Variants in MAPK11 observed in about 807,000 individuals in gnomAD.
MAPK11 encodes MAP kinase 11.
A neutral mutation model predicts 52.2 loss-of-function variants in MAPK11; 44 were observed. The observed-to-expected ratio is 0.84, with a 90% CI of 0.66 to 1.08. The LOEUF is 1.08. Among genes scored for constraint, MAPK11 ranks in the 50% least tolerant of loss-of-function variants. The pLI is 0.00. For synonymous variants in MAPK11, 233 were observed against 206.3 expected (o/e 1.13, Z -1.11); for missense variants, 436 against 494.7 (o/e 0.88, Z 1.13).
At chr22:50,266,414 G>A in intron 8 of MAPK11, 109 bp from the exon 9 acceptor site, 2 of 1,398,084 alleles carry the variant, frequency 1.4e-6, no homozygotes, top group Non-Finnish European at 9.8e-7. Context: ...GGTGAGGATG[G>A]CCAGCCCAAA....
At position 50,267,018 on chromosome 22, in the gene MAPK11, C is replaced by T; in HGVS notation, c.526G>A (p.Asp176Asn). 1 of 1,612,514 alleles carries T rather than the reference C, an allele frequency of 6.2e-7. No homozygotes were observed. The highest frequency in any genetic ancestry group is 1.1e-5 in the South Asian group (1 of 91,068). ...ILDFGLARQA[D>N]EEMTGYVATR... is the part of the protein sequence containing the mutation. ...GCCACATAGCCGGTCATCTCCTCGTCCGCCTGGCGCGCCAGCCCAAAATCC... is the reference window on the plus strand; with the variant it reads ...GCCACATAGCCGGTCATCTCCTCGTTCGCCTGGCGCGCCAGCCCAAAATCC... Residue 176 changes from aspartate (D) to asparagine (N), a missense_variant, in exon 7 of 12, where the codon GAC becomes AAC. By Grantham distance (23) the Asp-to-Asn change is conservative. Coordinates refer to ENST00000330651, the MANE Select transcript of MAPK11 (RefSeq NM_002751.7).
In MAPK11 at chr22:50,266,794, C is replaced by T. The variant is rs61760597; in HGVS notation, c.610+140G>A. The stretch of plus-strand genomic sequence containing the variant: ...GAGGCCAGCACCCATCATGCTCTAG[C>T]GGCCTCTGAAGGGCTACTTTTGAAT... On this transcript the variant is annotated intron_variant, in intron 7 of 11. Coordinates refer to ENST00000330651, the MANE Select transcript of MAPK11 (RefSeq NM_002751.7). The T allele has an allele frequency of 9.9e-5, 97 of 975,048 alleles. No homozygotes were observed. The African/African-American group carries it at 1.1e-3, about 11-fold the overall frequency. 60.4% of individuals were successfully genotyped at this position (975,048 alleles called of 1,614,324 possible).
chr22:50,265,327 A>T lies in MAPK11; in HGVS notation c.1009T>A (p.Trp337Arg). 1 of 1,612,304 alleles carries T rather than the reference A, an allele frequency of 6.2e-7. No homozygotes were observed. The highest frequency in any genetic ancestry group is 8.5e-7 in the Non-Finnish European group (1 of 1,179,758). The part of the protein sequence containing the change: ...VEAKERTLEE[W>R]KELTYQEVLS... ...CAGCCACTGCCATGCTCACCCTTCCACTCCTCCAGCGTGCGCTCCTTGGCC... is the reference window on the plus strand; with the variant it reads ...CAGCCACTGCCATGCTCACCCTTCCTCTCCTCCAGCGTGCGCTCCTTGGCC... Residue 337 changes from tryptophan to arginine, a missense_variant, in exon 11 of 12, where the codon TGG becomes AGG. Trp to Arg is a moderately radical substitution (Grantham distance 101). Coordinates refer to ENST00000330651, the MANE Select transcript of MAPK11 (RefSeq NM_002751.7).
chr22:50,266,439 G>A (rs2065262548), intron 8 of MAPK11, 101 bp downstream of exon 8: 1 of 1,382,180 alleles, frequency 7.2e-7, no homozygotes, highest in East Asian at 2.3e-5. Flanking sequence ...CATAGCATGG[G>A]GGGCAGAGGA....
chr22:50,270,262 G>T lies in MAPK11; in HGVS notation c.31C>A (p.Gln11Lys). Residue 11 changes from glutamine to lysine, a missense_variant, in exon 1 of 12, where the codon CAG becomes AAG. Coordinates refer to ENST00000330651, the MANE Select transcript of MAPK11 (RefSeq NM_002751.7). The surrounding 1 kb of genome is among the most constrained non-coding windows in gnomAD (Gnocchi z 6.3). MSGPRAGFYR[Q>K]ELNKTVWEVP... ...TCCCACACGGTCTTGTTCAGCTCCT[G>T]CCGGTAGAAGCCGGCGCGAGGGCCC... The T allele has an allele frequency of 7.0e-7, 1 of 1,435,234 alleles. No homozygotes were observed. The highest frequency in any genetic ancestry group is 9.2e-7 in the Non-Finnish European group (1 of 1,092,222). The allele number at this position is 1,435,234 out of a possible 1,614,324, so 88.9% of individuals were successfully genotyped here.
chr22:50,267,330 G>GC (rs34623088), intron 4 of MAPK11, 41 bp downstream of exon 4: 15 of 763,968 alleles, frequency 2.0e-5, no homozygotes, highest in East Asian at 4.8e-5. Context: ...CGGCCCGCCC[G>GC]CCCCCCTGCG....
At chr22:50,265,777 G>A in intron 9 of MAPK11, 117 bp from the exon 10 acceptor site, 1 of 664,234 alleles carries the variant, frequency 1.5e-6, no homozygotes, top group Non-Finnish European at 2.6e-6. Context: ...CAGGACAAGG[G>A]CACAGGCAGA....
rs1416090975 is a variant in MAPK11, at chr22:50,267,961, G to A, written c.117-12C>T. On this transcript the variant is annotated splice_polypyrimidine_tract_variant and intron_variant, in intron 1 of 11. Transcript: ENST00000330651. ...CGTCGTAGGCCGAACTGGAAGGCGGGCGAGTGAGGCGGCGCCGGGAGGGGT... is the reference window on the plus strand; with the variant it reads ...CGTCGTAGGCCGAACTGGAAGGCGGACGAGTGAGGCGGCGCCGGGAGGGGT... 6 of 1,540,716 alleles carry A rather than the reference G, an allele frequency of 3.9e-6. No individual in the cohort carries two copies. The highest frequency in any genetic ancestry group is 3.9e-5 in the Admixed American group (2 of 51,362).
intron 7 of MAPK11, 94 bp downstream of exon 7, chr22:50,266,840 G>T (rs969174121): frequency 1.6e-6 from 2 of 1,248,020 alleles, no homozygotes; most frequent in African/African-American, 1.5e-5. Flanking sequence ...CATTCTTGGG[G>T]ACCTTGCCTG....
At position 50,264,744 on chromosome 22, in the gene MAPK11, A is replaced by C; in HGVS notation, c.*204T>G. ...GGTAGGCCCAGGGACACTTGTGCCC[A>C]GACTCCTACACATGGCAAGCACATG... On this transcript the variant is annotated 3_prime_UTR_variant, in exon 12 of 12. Coordinates refer to ENST00000330651, the MANE Select transcript of MAPK11 (RefSeq NM_002751.7). The C allele has an allele frequency of 1.8e-6, 1 of 541,742 alleles. No individual in the cohort carries two copies. Among genetic ancestry groups the C allele is most frequent in the Non-Finnish European group, 3.3e-6 (1 of 300,368 alleles). 33.6% of individuals were successfully genotyped at this position (541,742 alleles called of 1,614,324 possible).
chr22:50,266,317 AG>A lies in MAPK11; in HGVS notation c.683-13del. 1 of 1,602,538 alleles carries A rather than the reference AG, an allele frequency of 6.2e-7. No individual in the cohort carries two copies. The highest frequency in any genetic ancestry group is 8.5e-7 in the Non-Finnish European group (1 of 1,174,580). ...CAGCTGGTCAATGTCTGTGTCACTC[AG>A]GAAACACCCACGGGCCAGCCACAGA... On this transcript the variant is annotated splice_polypyrimidine_tract_variant and intron_variant, in intron 8 of 11. Transcript: ENST00000330651.
chr22:50,264,730 G>A lies in MAPK11; in HGVS notation c.*218C>T, dbSNP rs2065248398. On this transcript the variant is annotated 3_prime_UTR_variant, in exon 12 of 12. Transcript: ENST00000330651. ...GACAGGAGGACCAAGGTAGGCCCAG[G>A]GACACTTGTGCCCAGACTCCTACAC... 1 of 521,674 alleles carries A rather than the reference G, an allele frequency of 1.9e-6. No individual in the cohort carries two copies. Among genetic ancestry groups the A allele is most frequent in the East Asian group, 3.2e-5 (1 of 31,132 alleles). 32.3% of individuals were successfully genotyped at this position (521,674 alleles called of 1,614,324 possible).
At chr22:50,270,377 GGGCGGCGGAGGCGGC>G (rs1177126298) in exon 1 of MAPK11, 1 of 349,090 alleles carries the variant, frequency 2.9e-6, no homozygotes, top group Non-Finnish European at 4.0e-6. The surrounding 1 kb of genome is among the most constrained non-coding windows in gnomAD (Gnocchi z 6.3). Context: ...GCGGAGCGGA[GGGCGGCGGAGGCGGC>G]GGCGGCGGCG....
chr22:50,267,668 G>A, intron 2 of MAPK11, 41 bp from the exon 3 acceptor site: 3 of 1,503,844 alleles, frequency 2.0e-6, no homozygotes, highest in Non-Finnish European at 2.7e-6. Context: ...ACGAACCCCC[G>A]GCTGTCGTTC....
At chr22:50,266,723 C>T in intron 7 of MAPK11, 112 bp from the exon 8 acceptor site, 2 of 1,113,484 alleles carry the variant, frequency 1.8e-6, no homozygotes, top group South Asian at 1.3e-5. Context: ...CTCTGCCATA[C>T]CCAACCCCCC....
rs373237580 is a variant in MAPK11, at chr22:50,266,908, G to A, written c.610+26C>T. The A allele has an allele frequency of 1.5e-5, 24 of 1,594,308 alleles. No individual in the cohort carries two copies. In the African/African-American group the frequency reaches 2.1e-4, roughly 14 times the overall value. ...GGGCCAGACGAGGCCCTTGGCCTTC[G>A]TCCCCCCAAGGCCTTCCCCCTGCAC... On this transcript the variant is annotated intron_variant, in intron 7 of 11. Coordinates refer to ENST00000330651, the MANE Select transcript of MAPK11 (RefSeq NM_002751.7).
Position 50,267,302 on chromosome 22 carries a change from TG to T in MAPK11, c.418-17del. 1 of 1,597,100 alleles carries T rather than the reference TG, an allele frequency of 6.3e-7. No individual in the cohort carries two copies. The highest frequency in any genetic ancestry group is 8.5e-7 in the Non-Finnish European group (1 of 1,173,456). On this transcript the variant is annotated splice_polypyrimidine_tract_variant and intron_variant, in intron 4 of 11. Transcript: ENST00000330651. ...AGTGGATGTACTGCGGGAGGGGGAT[TG>T]TGGTGAGCGCCGGGCCCGGCCCGCC... is the stretch of plus-strand genomic sequence containing the variant.
Position 50,267,292 on chromosome 22 carries a change from G to T in MAPK11, c.418-6C>A. ...ATCCCGGCCGAGTGGATGTACTGCG[G>T]GAGGGGGATTGTGGTGAGCGCCGGG... On this transcript the variant is annotated splice_region_variant and splice_polypyrimidine_tract_variant and intron_variant, in intron 4 of 11. Coordinates refer to ENST00000330651, the MANE Select transcript of MAPK11 (RefSeq NM_002751.7). 6.2e-7 allele frequency: 1 copy of T among 1,600,926 alleles called. No homozygotes were observed. Among genetic ancestry groups the T allele is most frequent in the Non-Finnish European group, 8.5e-7 (1 of 1,175,500 alleles).
chr22:50,265,725 G>A (rs1007289721), intron 9 of MAPK11, 65 bp from the exon 10 acceptor site: 3 of 1,038,520 alleles, frequency 2.9e-6, no homozygotes, highest in Admixed American at 4.8e-5. Context: ...CCAAACTGGG[G>A]CTTCTCTTGG....
Sources: allele counts gnomAD v4.1 joint callset, GRCh38; gene constraint gnomAD v4.1.1; non-coding constraint Gnocchi (gnomAD v3.1); transcripts MANE v1.5; gene names NCBI Gene and HGNC (gene_info 2026-07-23, HGNC 2026-07-21).